The following VAPA variants were observed in gnomAD, a reference collection of about 807,000 sequenced individuals.
VAPA encodes vesicle-associated membrane protein-associated protein A.
VAPA carries 6 observed loss-of-function variants against 25.6 expected under a neutral mutation model. That is an observed-to-expected ratio of 0.23 (90% confidence interval 0.13 to 0.46). VAPA has a LOEUF of 0.46. Among genes scored for constraint, VAPA ranks in the 20% least tolerant of loss-of-function variants. The probability of loss-of-function intolerance (pLI) is 0.99; values close to 1 mark genes in which losing one functional copy is unlikely to be tolerated. For synonymous variants in VAPA, 112 were observed against 106.2 expected (o/e 1.05, Z -0.34); for missense variants, 244 against 302.1 (o/e 0.81, Z 1.43).
intron 5 of VAPA, among the ~76,000 whole-genome samples, chr18:9,951,509 A>G (rs2069490047): frequency 1.3e-5 from 2 of 152,362 alleles, no homozygotes; most frequent in South Asian, 4.1e-4. Flanking sequence ...TGCATTCACC[A>G]TACATGCATG....
At chr18:9,945,099 G>A (rs752322748) in intron 4 of VAPA, 30 of 1,604,724 alleles carry the variant, frequency 1.9e-5, no homozygotes, top group Non-Finnish European at 2.5e-5. Context: ...GTCTACTAGT[G>A]TCAATGGTTA....
At chr18:9,944,037 A>G (rs1458641024) in intron 4 of VAPA, among the ~76,000 whole-genome samples, 2 of 150,776 alleles carry the variant, frequency 1.3e-5, no homozygotes, top group Non-Finnish European at 3.0e-5. Flanking sequence ...AATTTTTTGT[A>G]TTTTTAGTAG....
At position 9,955,601 on chromosome 18, in the gene VAPA, A is replaced by G. The variant is rs2069540525; in HGVS notation, c.*1390A>G. On this transcript the variant is annotated 3_prime_UTR_variant, in exon 6 of 6. Transcript: ENST00000400000. ...GCGCTCTACCTGAAAAGGAAATTGG[A>G]TTTTAGAACTGGATGTGGTGCAGTG... 1 of 152,104 alleles carries G rather than the reference A, an allele frequency of 6.6e-6. No homozygotes were observed. Among genetic ancestry groups the G allele is most frequent in the African/African-American group, 2.4e-5 (1 of 41,420 alleles). The allele number at this position is 152,104 out of a possible 1,614,324, so 9.4% of individuals were successfully genotyped here.
chr18:9,915,512 CTTTAG>C (rs775835288), intron 1 of VAPA, among the ~76,000 whole-genome samples: 6 of 151,812 alleles, frequency 4.0e-5, no homozygotes, highest in Non-Finnish European at 8.8e-5. Context: ...TCCTTCCTAT[CTTTAG>C]TTAAGTGTAA....
In VAPA at chr18:9,915,118, A is replaced by G. The variant is rs76098292; in HGVS notation, c.79+783A>G. On this transcript the variant is annotated intron_variant, in intron 1 of 5. Coordinates refer to ENST00000400000, the MANE Select transcript of VAPA (RefSeq NM_194434.3). ...GCCGCAAACGGAGAGTTGTAGGTTC[A>G]TAGTAGCGGGGCTTCCTGCCTTCTA... 2.4e-4 allele frequency: 36 copies of G among 152,470 alleles called. No individual in the cohort carries two copies. The East Asian group carries it at 6.5e-3, about 28-fold the overall frequency. 9.4% of individuals were successfully genotyped at this position (152,470 alleles called of 1,614,324 possible).
At chr18:9,953,602 G>A (rs2069512171) in intron 5 of VAPA, among the ~76,000 whole-genome samples, 1 of 152,028 alleles carries the variant, frequency 6.6e-6, no homozygotes, top group African/African-American at 2.4e-5. Flanking sequence ...TACAGGTCTG[G>A]GTAGTTTTTG....
At chr18:9,917,361 G>A (rs781281469) in intron 1 of VAPA, among the ~76,000 whole-genome samples, 107 of 152,010 alleles carry the variant, frequency 7.0e-4, no homozygotes, top group Non-Finnish European at 1.3e-3. Flanking sequence ...CTCGATCTCG[G>A]CTCATTGCAG....
intron 2 of VAPA, among the ~76,000 whole-genome samples, chr18:9,934,237 T>A (rs2069285748): frequency 1.3e-5 from 2 of 152,222 alleles, no homozygotes; most frequent in East Asian, 1.9e-4. Flanking sequence ...TGACGCTTTG[T>A]TTTTTGAATT....
At chr18:9,933,331 C>T (rs2069275635) in intron 2 of VAPA, among the ~76,000 whole-genome samples, 1 of 152,024 alleles carries the variant, frequency 6.6e-6, no homozygotes, top group Non-Finnish European at 1.5e-5. Flanking sequence ...CAGGTATAGC[C>T]AAAAACCTCA....
intron 2 of VAPA, among the ~76,000 whole-genome samples, chr18:9,935,548 G>A (rs371485602): frequency 2.6e-5 from 4 of 152,170 alleles, no homozygotes; most frequent in African/African-American, 9.7e-5. Flanking sequence ...GCACTGCAGC[G>A]CAGCCTCAGC....
intron 1 of VAPA, among the ~76,000 whole-genome samples, chr18:9,916,200 A>G (rs1446523700): frequency 6.6e-6 from 1 of 152,214 alleles, no homozygotes; most frequent in East Asian, 1.9e-4. Flanking sequence ...AAGCAAGTTT[A>G]AAAAACAAGC....
At chr18:9,935,285 A>G (rs979448819) in intron 2 of VAPA, among the ~76,000 whole-genome samples, 2 of 151,954 alleles carry the variant, frequency 1.3e-5, no homozygotes, top group African/African-American at 4.8e-5. Flanking sequence ...TTAAAACAAT[A>G]TATGGGCTGG....
intron 4 of VAPA, chr18:9,944,772 T>C: frequency 1.1e-6 from 1 of 945,688 alleles, no homozygotes; most frequent in Non-Finnish European, 1.5e-6. Flanking sequence ...TTAACATAGC[T>C]ATTATTAGTA....
chr18:9,944,104 C>T (rs1369768374), intron 4 of VAPA, among the ~76,000 whole-genome samples: 1 of 151,888 alleles, frequency 6.6e-6, no homozygotes, highest in African/African-American at 2.4e-5. Context: ...CCGCCTTGGC[C>T]TCCCAAAGTG....
intron 1 of VAPA, among the ~76,000 whole-genome samples, chr18:9,918,570 AT>A (rs1194552601): frequency 6.6e-6 from 1 of 152,020 alleles, no homozygotes; most frequent in African/African-American, 2.4e-5. Context: ...TTGTCTTCTA[AT>A]TTTCTTATTT....
chr18:9,949,873 T>A (rs1184753774), intron 4 of VAPA: 1 of 153,982 alleles, frequency 6.5e-6, no homozygotes, highest in Non-Finnish European at 1.4e-5. Context: ...CAAACAGCAT[T>A]ACTAAAGATG....
intron 4 of VAPA, among the ~76,000 whole-genome samples, chr18:9,939,380 C>G (rs779131981): frequency 4.6e-5 from 7 of 152,004 alleles, no homozygotes; most frequent in Non-Finnish European, 1.0e-4. Context: ...GTCTCAAACT[C>G]CTGACCTCAG....
chr18:9,936,220 A>T lies in VAPA; in HGVS notation c.336+7A>T. 6.4e-7 allele frequency: 1 copy of T among 1,566,160 alleles called. No individual in the cohort carries two copies. The highest frequency in any genetic ancestry group is 8.7e-7 in the Non-Finnish European group (1 of 1,152,418). On this transcript the variant is annotated splice_region_variant and intron_variant, in intron 3 of 5. Coordinates refer to ENST00000400000, the MANE Select transcript of VAPA (RefSeq NM_194434.3). ...TTCAGATATGGAAGCTGTGGTAAGT[A>T]TAGAAGAAGAATTTGTTTTGGGAAG...
rs1488064546 is a variant in VAPA at position 9,958,922 on chromosome 18, C to T, written c.*4711C>T. On this transcript the variant is annotated 3_prime_UTR_variant, in exon 6 of 6. Coordinates refer to ENST00000400000, the MANE Select transcript of VAPA (RefSeq NM_194434.3). ...ATTTTGCTGACACCCAGTGTACCTA[C>T]CTACCTGAGAAATTTATTTTGTCCA... 1 of 152,162 alleles carries T rather than the reference C, an allele frequency of 6.6e-6. No homozygotes were observed. The highest frequency in any genetic ancestry group is 2.4e-5 in the African/African-American group (1 of 41,432). 9.4% of individuals were successfully genotyped at this position (152,162 alleles called of 1,614,324 possible).
Sources: gnomAD v4.1 joint callset for allele counts (sites outside exome capture counted in the v4.1 genomes callset) on GRCh38, gnomAD v4.1.1 for gene constraint, MANE v1.5 for transcripts, NCBI Gene and HGNC (gene_info 2026-07-23, HGNC 2026-07-21) for gene names.